Variants in FBXL17 observed in about 807,000 individuals in gnomAD.
The protein encoded by FBXL17 is F-box/LRR-repeat protein 17.
In FBXL17, 22 loss-of-function variants were observed where a neutral mutation model predicts 66.2. The observed-to-expected ratio is 0.33, with a 90% confidence interval of 0.24 to 0.47. The LOEUF is 0.47. Ranked by LOEUF, FBXL17 falls within the 20% of genes least tolerant of loss-of-function variation. The pLI is 1.00. For missense variants in FBXL17, 878 were observed against 948.2 expected (o/e 0.93, Z 0.97); for synonymous variants, 474 against 400.5 (o/e 1.18, Z -2.19).
intron 5 of FBXL17, among the ~76,000 whole-genome samples, chr5:108,206,127 G>A (rs968138334): frequency 3.3e-5 from 5 of 151,732 alleles, no homozygotes; most frequent in Admixed American, 1.3e-4. Flanking sequence ...TCATTGCCTC[G>A]GTCCATTATT....
At chr5:108,308,008 T>C (rs558482859) in intron 4 of FBXL17, among the ~76,000 whole-genome samples, 138 of 152,230 alleles carry the variant, frequency 9.1e-4, no homozygotes, top group Middle Eastern at 3.4e-3. Context: ...TCTTACATAT[T>C]GGATGACCAA....
chr5:108,219,544 G>A (rs551686833), intron 5 of FBXL17, among the ~76,000 whole-genome samples: 7 of 151,976 alleles, frequency 4.6e-5, no homozygotes, highest in African/African-American at 7.3e-5. Context: ...AAAATTAGCC[G>A]GGCGTGGTGG....
At chr5:108,267,925 AT>A (rs532974959) in intron 4 of FBXL17, among the ~76,000 whole-genome samples, 96 of 152,190 alleles carry the variant, frequency 6.3e-4, no homozygotes, top group African/African-American at 2.2e-3. Flanking sequence ...TCTAAATTTT[AT>A]TATTAATAAG....
At chr5:107,917,906 A>G (rs1750184135) in intron 7 of FBXL17, among the ~76,000 whole-genome samples, 1 of 152,244 alleles carries the variant, frequency 6.6e-6, no homozygotes, top group Admixed American at 6.5e-5. Flanking sequence ...ATTTCACAAG[A>G]AAATTTCAGA....
intron 7 of FBXL17, among the ~76,000 whole-genome samples, chr5:108,016,600 T>A (rs1754395329): frequency 6.6e-6 from 1 of 152,124 alleles, no homozygotes; most frequent in African/African-American, 2.4e-5. Flanking sequence ...CTAATGGAGA[T>A]AAGCGCTTTA....
intron 6 of FBXL17, among the ~76,000 whole-genome samples, chr5:108,139,555 C>T (rs1175517653): frequency 2.0e-5 from 3 of 152,168 alleles, no homozygotes; most frequent in Non-Finnish European, 2.9e-5. Flanking sequence ...ACATTCTGCT[C>T]GTCAGCTCCC....
intron 4 of FBXL17, among the ~76,000 whole-genome samples, chr5:108,318,857 G>C (rs1463015595): frequency 6.6e-6 from 1 of 151,730 alleles, no homozygotes; most frequent in Non-Finnish European, 1.5e-5. Context: ...ATTTATAAAG[G>C]GATAACTGCA....
At chr5:107,997,921 G>C (rs1005985513) in intron 7 of FBXL17, among the ~76,000 whole-genome samples, 1 of 152,150 alleles carries the variant, frequency 6.6e-6, no homozygotes, top group Non-Finnish European at 1.5e-5. Flanking sequence ...ATTTTCTCAC[G>C]TTTCAATAAA....
intron 6 of FBXL17, among the ~76,000 whole-genome samples, chr5:108,036,451 G>A (rs2112794414): frequency 6.6e-6 from 1 of 152,240 alleles, no homozygotes; most frequent in Non-Finnish European, 1.5e-5. Flanking sequence ...TGTTACATTT[G>A]ATGCACTTTC....
At chr5:107,969,195 G>T (rs1412627426) in intron 7 of FBXL17, among the ~76,000 whole-genome samples, 1 of 152,134 alleles carries the variant, frequency 6.6e-6, no homozygotes, top group East Asian at 1.9e-4. Context: ...TGCAGAAAAG[G>T]CTGTCAACAC....
At chr5:108,142,357 T>C (rs1751382727) in intron 6 of FBXL17, among the ~76,000 whole-genome samples, 2 of 152,336 alleles carry the variant, frequency 1.3e-5, no homozygotes, top group African/African-American at 4.8e-5. Flanking sequence ...CATCTACTTT[T>C]AGCAAAAAGA....
chr5:107,863,296 G>T (rs1434991612), intron 8 of FBXL17, among the ~76,000 whole-genome samples: 1 of 151,278 alleles, frequency 6.6e-6, no homozygotes, highest in Non-Finnish European at 1.5e-5. Context: ...TATTCCTCTA[G>T]CATATTTTTG....
intron 5 of FBXL17, among the ~76,000 whole-genome samples, chr5:108,207,524 C>A (rs760822226): frequency 2.6e-5 from 4 of 152,090 alleles, no homozygotes; most frequent in Non-Finnish European, 5.9e-5. Context: ...GCTCCCCTCC[C>A]TATGTCCATG....
chr5:107,916,304 G>A (rs890397911), intron 7 of FBXL17, among the ~76,000 whole-genome samples: 6 of 152,218 alleles, frequency 3.9e-5, no homozygotes, highest in Non-Finnish European at 8.8e-5. Flanking sequence ...ATTTACAACA[G>A]AGGTTGGGAA....
At chr5:108,032,443 A>G (rs1315961113) in intron 6 of FBXL17, among the ~76,000 whole-genome samples, 1 of 152,140 alleles carries the variant, frequency 6.6e-6, no homozygotes, top group East Asian at 1.9e-4. Flanking sequence ...TTCCATGGAA[A>G]GAGTGTCTGC....
intron 4 of FBXL17, among the ~76,000 whole-genome samples, chr5:108,262,407 G>A (rs998468399): frequency 6.6e-6 from 1 of 152,030 alleles, no homozygotes; most frequent in African/African-American, 2.4e-5. Flanking sequence ...TAAAATGGAA[G>A]AAAGTCCCAG....
At chr5:107,895,309 T>A (rs762009708) in intron 7 of FBXL17, among the ~76,000 whole-genome samples, 3 of 152,084 alleles carry the variant, frequency 2.0e-5, no homozygotes, top group Non-Finnish European at 4.4e-5. Flanking sequence ...GGCTAAATAG[T>A]AAATTTTGGG....
intron 6 of FBXL17, among the ~76,000 whole-genome samples, chr5:108,033,128 T>C (rs1163815480): frequency 6.6e-6 from 1 of 152,186 alleles, no homozygotes; most frequent in African/African-American, 2.4e-5. Flanking sequence ...AATTGTGTAG[T>C]AAAAAACCCA....
intron 6 of FBXL17, among the ~76,000 whole-genome samples, chr5:108,039,930 T>C (rs942922272): frequency 6.6e-6 from 1 of 152,190 alleles, no homozygotes; most frequent in African/African-American, 2.4e-5. Flanking sequence ...TTTAAAATGA[T>C]ATCGTTTGGT....
Sources: allele counts gnomAD v4.1 joint callset (sites outside exome capture counted in the v4.1 genomes callset), GRCh38; gene constraint gnomAD v4.1.1; transcripts MANE v1.5; gene names NCBI Gene and HGNC (gene_info 2026-07-23, HGNC 2026-07-21).